WWOX: variants seen among roughly 807,000 people sequenced by gnomAD.
WWOX encodes WW domain-containing oxidoreductase.
A neutral mutation model predicts 46.2 loss-of-function variants in WWOX; 69 were observed. That is an observed-to-expected ratio of 1.49 (90% CI 1.23 to 1.82). The LOEUF is 1.82. WWOX is among the 40% of genes most tolerant of loss of function. The pLI, the probability that WWOX is intolerant of heterozygous loss-of-function variation, is 0.00. For synonymous variants in WWOX, 359 were observed against 202.6 expected (o/e 1.77, Z -6.56); for missense variants, 919 against 542.6 (o/e 1.69, Z -6.89).
intron 8 of WWOX, among the ~76,000 whole-genome samples, chr16:78,795,872 T>G (rs1012793204): frequency 6.6e-6 from 1 of 152,142 alleles, no homozygotes; most frequent in African/African-American, 2.4e-5. Context: ...GCAATAGATG[T>G]TGGCTTTTAT....
At chr16:78,610,529 C>G (rs1296718202) in intron 8 of WWOX, among the ~76,000 whole-genome samples, 2 of 152,150 alleles carry the variant, frequency 1.3e-5, no homozygotes, top group East Asian at 1.9e-4. Flanking sequence ...AGGAAGCTGT[C>G]TTACCTGGAC....
chr16:78,988,999 T>G (rs1383438131), intron 8 of WWOX, among the ~76,000 whole-genome samples: 2 of 152,184 alleles, frequency 1.3e-5, no homozygotes, highest in Non-Finnish European at 2.9e-5. Context: ...ACAACCTGAG[T>G]TCTCTGTTAA....
chr16:78,158,362 T>G (rs1003725849), intron 4 of WWOX, among the ~76,000 whole-genome samples: 1 of 152,180 alleles, frequency 6.6e-6, no homozygotes, highest in African/African-American at 2.4e-5. Context: ...TGTACTGTAC[T>G]CTATAGGGTC....
chr16:79,156,709 T>C (rs906635764), intron 8 of WWOX, among the ~76,000 whole-genome samples: 4 of 151,824 alleles, frequency 2.6e-5, no homozygotes, highest in Non-Finnish European at 5.9e-5. Context: ...ATCACAGGAT[T>C]TCAAATTTAA....
intron 8 of WWOX, among the ~76,000 whole-genome samples, chr16:78,845,822 A>C (rs551218935): frequency 1.3e-5 from 2 of 152,388 alleles, no homozygotes. Flanking sequence ...TGGGCACTTA[A>C]GACATGGAGC....
chr16:79,209,873 G>A (rs2051657739), intron 8 of WWOX, among the ~76,000 whole-genome samples: 1 of 152,222 alleles, frequency 6.6e-6, no homozygotes, highest in Admixed American at 6.5e-5. Flanking sequence ...ATAATTCAGT[G>A]AAAGGAAATT....
At chr16:78,513,517 G>C (rs1420989282) in intron 8 of WWOX, among the ~76,000 whole-genome samples, 1 of 152,010 alleles carries the variant, frequency 6.6e-6, no homozygotes, top group Non-Finnish European at 1.5e-5. Flanking sequence ...GTTGCTTTTG[G>C]GTTGAATTCC....
intron 8 of WWOX, among the ~76,000 whole-genome samples, chr16:78,583,160 T>C (rs554704491): frequency 1.3e-5 from 2 of 152,316 alleles, no homozygotes; most frequent in East Asian, 3.9e-4. Context: ...TTGGGGTGTC[T>C]TGTAATGCAA....
chr16:79,051,356 C>T lies in WWOX; in HGVS notation c.1057-160252C>T, dbSNP rs1036607383. ...AGTTTGTTTTTCATTAACATAAAAT[C>T]CAAAACAGGTGCTGTGATCAGCAAG... is the stretch of plus-strand genomic sequence containing the variant. On this transcript the variant is annotated intron_variant, in intron 8 of 8. Transcript: ENST00000566780. Among the ~76,000 whole-genome samples the T allele has an allele frequency of 9.8e-4, 150 of 152,304 alleles. 1 individual carries two copies. Among genetic ancestry groups the T allele is most frequent in the African/African-American group, 3.4e-3 (143 of 41,560 alleles).
At chr16:78,271,958 G>A (rs979127994) in intron 5 of WWOX, among the ~76,000 whole-genome samples, 1 of 152,160 alleles carries the variant, frequency 6.6e-6, no homozygotes, top group Non-Finnish European at 1.5e-5. Flanking sequence ...GGCAGATGGA[G>A]GTTCTAATCC....
chr16:78,453,655 T>TC (rs1022807886), intron 8 of WWOX, among the ~76,000 whole-genome samples: 10 of 152,174 alleles, frequency 6.6e-5, no homozygotes, highest in African/African-American at 2.2e-4. Flanking sequence ...ATTTTTTTTT[T>TC]ACTCTGTTTA....
intron 8 of WWOX, among the ~76,000 whole-genome samples, chr16:78,686,372 G>A (rs901824351): frequency 3.9e-5 from 6 of 152,126 alleles, no homozygotes; most frequent in South Asian, 4.2e-4. Flanking sequence ...TTAGCCAGGC[G>A]TGGTGGCGGG....
At chr16:78,574,362 G>C (rs1334292086) in intron 8 of WWOX, among the ~76,000 whole-genome samples, 1 of 152,216 alleles carries the variant, frequency 6.6e-6, no homozygotes, top group South Asian at 2.1e-4. Flanking sequence ...TGAATACCAG[G>C]TGGTAGGGAT....
At chr16:78,266,788 T>TTCCC (rs2079370761) in intron 5 of WWOX, among the ~76,000 whole-genome samples, 1 of 115,532 alleles carries the variant, frequency 8.7e-6, no homozygotes, top group African/African-American at 3.2e-5. Flanking sequence ...TATTCTTCTA[T>TTCCC]TCTCTCTCTC....
At chr16:78,297,986 C>T (rs1055631001) in intron 5 of WWOX, among the ~76,000 whole-genome samples, 9 of 152,122 alleles carry the variant, frequency 5.9e-5, no homozygotes, top group African/African-American at 1.2e-4. Context: ...ACCGTTCCCC[C>T]GTGCTGTGAG....
At chr16:78,881,891 G>C (rs955320385) in intron 8 of WWOX, among the ~76,000 whole-genome samples, 3 of 152,152 alleles carry the variant, frequency 2.0e-5, no homozygotes, top group African/African-American at 4.8e-5. Context: ...GGTAGGCCGA[G>C]GTAGGTGGAT....
rs146688491 is a variant in WWOX at position 79,115,071 on chromosome 16, T to G, written c.1057-96537T>G. Among the ~76,000 whole-genome samples, 416 of 152,320 alleles carry G rather than the reference T, an allele frequency of 2.7e-3. 3 individuals are homozygous for G. The highest frequency in any genetic ancestry group is 9.8e-3 in the African/African-American group (408 of 41,584). ...CTGATGACCTCTTGTGCCTCCAGTGTGGGAAGGGACCAGGTCCCTCAATGC... is the reference window on the plus strand; with the variant it reads ...CTGATGACCTCTTGTGCCTCCAGTGGGGGAAGGGACCAGGTCCCTCAATGC... On this transcript the variant is annotated intron_variant, in intron 8 of 8. Transcript: ENST00000566780.
At chr16:78,156,943 A>C (rs1597281970) in intron 4 of WWOX, among the ~76,000 whole-genome samples, 1 of 152,190 alleles carries the variant, frequency 6.6e-6, no homozygotes. Flanking sequence ...TCAGTCAATC[A>C]GTCAATCAAT....
chr16:78,446,657 CT>C (rs5818138), intron 8 of WWOX, among the ~76,000 whole-genome samples: 1,654 of 88,090 alleles, frequency 0.019, 3 homozygotes, highest in Middle Eastern at 0.024. Flanking sequence ...CAAGTGTATA[CT>C]TTTTTTTTTT....
Sources: gnomAD v4.1 joint callset for allele counts (sites outside exome capture counted in the v4.1 genomes callset) on GRCh38, gnomAD v4.1.1 for gene constraint, MANE v1.5 for transcripts, NCBI Gene and HGNC (gene_info 2026-07-23, HGNC 2026-07-21) for gene names.